Variants in HEXB observed in about 807,000 individuals in gnomAD.
HEXB encodes beta-hexosaminidase subunit beta.
HEXB carries 51 observed loss-of-function variants against 71.2 expected under a neutral mutation model. That is an observed-to-expected ratio of 0.72 (90% CI 0.57 to 0.90). HEXB has a LOEUF of 0.90. Ranked by LOEUF, HEXB falls within the 40% of genes least tolerant of loss-of-function variation. The pLI, the probability that HEXB is intolerant of heterozygous loss-of-function variation, is 0.00. For missense variants in HEXB, 617 were observed against 677.0 expected (o/e 0.91, Z 0.98); for synonymous variants, 266 against 249.3 (o/e 1.07, Z -0.63).
rs373700705 is a variant in HEXB, at chr5:74,716,542, A to G, written c.1083-45A>G. The G allele has an allele frequency of 1.6e-4, 179 of 1,138,968 alleles. 1 individual carries two copies. The highest frequency in any genetic ancestry group is 2.3e-4 in the Non-Finnish European group (175 of 752,976). 70.6% of individuals were successfully genotyped at this position (1,138,968 alleles called of 1,614,324 possible). ...GTATACTGCTCTAAATAATAAACTG[A>G]GCATATCAAACTTCTAATGAAATTT... On this transcript the variant is annotated intron_variant, in intron 8 of 13. Coordinates refer to ENST00000261416, the MANE Select transcript of HEXB (RefSeq NM_000521.4).
chr5:74,698,401 T>C (rs757169198), intron 5 of HEXB, among the ~76,000 whole-genome samples: 17 of 150,300 alleles, frequency 1.1e-4, no homozygotes, highest in Admixed American at 3.3e-4. Context: ...TTATTATTTT[T>C]TTTTCTTTTT....
intron 6 of HEXB, among the ~76,000 whole-genome samples, chr5:74,706,961 C>T (rs1749411683): frequency 6.6e-6 from 1 of 152,294 alleles, no homozygotes; most frequent in Non-Finnish European, 1.5e-5. Flanking sequence ...TCCCAGCACA[C>T]AGCTGGAGAT....
In HEXB at chr5:74,652,667, C is replaced by A. The variant is rs1748141569; in HGVS notation, c.-377+12109C>A. ...TTCCCTCCCTTACCCCCACTACCCC[C>A]AGGATTGTGTCCAAGTTCCAAAGTG... On this transcript the variant is annotated intron_variant, in intron 1 of 13. Transcript: ENST00000511181. The surrounding 1 kb of genome is among the most constrained non-coding windows in gnomAD (Gnocchi z 5.4). Among the ~76,000 whole-genome samples, 1 of 152,236 alleles carries A rather than the reference C, an allele frequency of 6.6e-6. No individual in the cohort carries two copies. Among genetic ancestry groups the A allele is most frequent in the Non-Finnish European group, 1.5e-5 (1 of 68,016 alleles).
intron 1 of HEXB, among the ~76,000 whole-genome samples, chr5:74,657,147 G>A (rs971514137): frequency 6.6e-5 from 10 of 152,070 alleles, no homozygotes; most frequent in African/African-American, 4.8e-5. Flanking sequence ...GGGAGGGGTC[G>A]TGTGTGTGAA....
chr5:74,694,843 G>GCCTGTAATCCCAACTA (rs1404386645), intron 3 of HEXB, among the ~76,000 whole-genome samples: 5 of 151,878 alleles, frequency 3.3e-5, no homozygotes, highest in Non-Finnish European at 7.4e-5. Context: ...GGTGGCGCAT[G>GCCTGTAATCCCAACTA]CCTGTAATCC....
chr5:74,695,014 A>T (rs1749080628), intron 3 of HEXB, among the ~76,000 whole-genome samples: 1 of 152,066 alleles, frequency 6.6e-6, no homozygotes, highest in African/African-American at 2.4e-5. Context: ...TCAGAGTGTT[A>T]CCTAAAATAA....
chr5:74,710,020 T>C (rs1248866980), intron 6 of HEXB, among the ~76,000 whole-genome samples: 1 of 152,070 alleles, frequency 6.6e-6, no homozygotes, highest in East Asian at 1.9e-4. Flanking sequence ...ATGATGAACA[T>C]TGATGCAAAA....
chr5:74,688,765 A>G (rs1340403564), intron 1 of HEXB, among the ~76,000 whole-genome samples: 1 of 152,176 alleles, frequency 6.6e-6, no homozygotes, highest in Non-Finnish European at 1.5e-5. Context: ...GGCTCAAACA[A>G]TAGGAAAACT....
At chr5:74,708,868 C>T (rs1285855945) in intron 6 of HEXB, among the ~76,000 whole-genome samples, 3 of 152,074 alleles carry the variant, frequency 2.0e-5, no homozygotes, top group African/African-American at 7.2e-5. Context: ...CTACTGTCAA[C>T]ATTAGACAGA....
At chr5:74,688,938 T>G (rs1446881891) in intron 1 of HEXB, among the ~76,000 whole-genome samples, 1 of 152,202 alleles carries the variant, frequency 6.6e-6, no homozygotes, top group Non-Finnish European at 1.5e-5. Flanking sequence ...AACGAAGTTT[T>G]CTTGTGATTT....
chr5:74,702,537 G>T (rs1050995090), intron 5 of HEXB, among the ~76,000 whole-genome samples: 1 of 152,124 alleles, frequency 6.6e-6, no homozygotes, highest in African/African-American at 2.4e-5. Flanking sequence ...TGCTTATCAG[G>T]TGACACAATG....
chr5:74,694,063 G>A (rs1349082114), intron 3 of HEXB, among the ~76,000 whole-genome samples: 2 of 152,166 alleles, frequency 1.3e-5, no homozygotes, highest in Non-Finnish European at 2.9e-5. Context: ...GGAGGCTGAG[G>A]TGGGAGGATT....
chr5:74,685,113 G>A (rs1252535757), upstream of HEXB: 8 of 831,442 alleles, frequency 9.6e-6, no homozygotes, highest in Non-Finnish European at 1.2e-5. Flanking sequence ...ACGCTCCCGG[G>A]GCCTGGAGGC....
chr5:74,719,019 T>G (rs369502853), intron 11 of HEXB, 48 bp downstream of exon 11: 2 of 1,578,624 alleles, frequency 1.3e-6, no homozygotes, highest in African/African-American at 2.7e-5. Flanking sequence ...GTGAAGCTGA[T>G]GGTAAGTGAA....
intron 1 of HEXB, among the ~76,000 whole-genome samples, chr5:74,669,636 C>T (rs901755177): frequency 2.0e-5 from 3 of 152,074 alleles, no homozygotes; most frequent in African/African-American, 7.2e-5. Context: ...CTGTTTGCCT[C>T]TTCTTAAACC....
intron 1 of HEXB, among the ~76,000 whole-genome samples, chr5:74,653,200 T>C (rs1298010941): frequency 6.6e-6 from 1 of 152,184 alleles, no homozygotes; most frequent in East Asian, 1.9e-4. Context: ...CTATTGGCCC[T>C]TCAAGTACCA....
chr5:74,690,002 T>C (rs1410787676), intron 2 of HEXB, among the ~76,000 whole-genome samples: 1 of 27,672 alleles, frequency 3.6e-5, no homozygotes, highest in East Asian at 7.7e-4. Flanking sequence ...ATCTAGGTAA[T>C]TTCTTAACTT....
At chr5:74,693,894 C>T (rs993619625) in intron 3 of HEXB, among the ~76,000 whole-genome samples, 190 bp downstream of exon 3, 2 of 152,188 alleles carry the variant, frequency 1.3e-5, no homozygotes, top group Non-Finnish European at 2.9e-5. Flanking sequence ...CAGTGGCTCA[C>T]GCCTGTAATC....
At chr5:74,678,864 C>A (rs1433837150) in intron 1 of HEXB, among the ~76,000 whole-genome samples, 1 of 152,034 alleles carries the variant, frequency 6.6e-6, no homozygotes, top group Non-Finnish European at 1.5e-5. Context: ...GAAAAGAAAA[C>A]AACACAAAGG....
Sources: allele counts gnomAD v4.1 joint callset (sites outside exome capture counted in the v4.1 genomes callset), GRCh38; gene constraint gnomAD v4.1.1; non-coding constraint Gnocchi (gnomAD v3.1); transcripts MANE v1.5; gene names NCBI Gene and HGNC (gene_info 2026-07-23, HGNC 2026-07-21).